Variants in C6orf118 observed in about 807,000 individuals in gnomAD.
C6orf118 encodes the protein uncharacterized protein C6orf118.
In C6orf118, 50 loss-of-function variants were observed where a neutral mutation model predicts 50.2. That is an observed-to-expected ratio of 1.00 (90% CI 0.79 to 1.26). The LOEUF is 1.26. C6orf118 is among the 50% of genes most tolerant of loss of function. The pLI is 0.00. For synonymous variants in C6orf118, 239 were observed against 230.9 expected (o/e 1.03, Z -0.32); for missense variants, 641 against 578.7 (o/e 1.11, Z -1.10).
intron 7 of C6orf118, among the ~76,000 whole-genome samples, chr6:165,285,840 A>G (rs773189419): frequency 6.6e-6 from 1 of 151,936 alleles, no homozygotes; most frequent in African/African-American, 2.4e-5. Context: ...TCTCAAATCA[A>G]TATATAACAT....
chr6:165,294,241 G>A (rs1477511805), intron 5 of C6orf118, among the ~76,000 whole-genome samples: 18 of 126,452 alleles, frequency 1.4e-4, no homozygotes, highest in African/African-American at 5.0e-4. Context: ...GCCAGACTCC[G>A]TCTTTAAAAA....
chr6:165,289,860 A>C (rs1780043929), intron 7 of C6orf118, 26 bp downstream of exon 7: 1 of 1,484,130 alleles, frequency 6.7e-7, no homozygotes, highest in South Asian at 1.3e-5. Context: ...GAATAATGTA[A>C]ATATTTAAAT....
Position 165,281,705 on chromosome 6 carries a change from G to A in C6orf118, c.1303-12C>T. 6.8e-7 allele frequency: 1 copy of A among 1,465,644 alleles called. No individual in the cohort carries two copies. The highest frequency in any genetic ancestry group is 9.1e-7 in the Non-Finnish European group (1 of 1,095,582). The allele number at this position is 1,465,644 out of a possible 1,614,324, so 90.8% of individuals were successfully genotyped here. A position where few individuals can be genotyped will look rare whatever the true frequency, so the allele number is the denominator to read the frequency against. On this transcript the variant is annotated splice_polypyrimidine_tract_variant and intron_variant, in intron 7 of 8. Coordinates refer to ENST00000230301, the MANE Select transcript of C6orf118 (RefSeq NM_144980.4). ...TGTATAGCTTCATGCTGGAAGAGAA[G>A]TTGTTTTAAACACAATATACTTGGT...
chr6:165,290,093 A>G (rs929322716), intron 6 of C6orf118, 26 bp from the exon 7 acceptor site: 3 of 1,434,732 alleles, frequency 2.1e-6, no homozygotes, highest in Non-Finnish European at 2.9e-6. Context: ...AAAACAAAGT[A>G]TTACCATGTT....
intron 1 of C6orf118, among the ~76,000 whole-genome samples, chr6:165,302,949 A>C (rs1780615157): frequency 6.6e-6 from 1 of 152,222 alleles, no homozygotes; most frequent in Non-Finnish European, 1.5e-5. Context: ...CGCTTCATAA[A>C]TTCTACCCAT....
intron 5 of C6orf118, among the ~76,000 whole-genome samples, chr6:165,297,507 G>A (rs1780352700): frequency 6.6e-6 from 1 of 150,682 alleles, no homozygotes; most frequent in South Asian, 2.1e-4. Context: ...TTTGTTTCTT[G>A]TTTCATGCTC....
intron 1 of C6orf118, among the ~76,000 whole-genome samples, chr6:165,303,172 C>T (rs1279401252): frequency 2.0e-5 from 3 of 152,172 alleles, no homozygotes; most frequent in Non-Finnish European, 2.9e-5. Context: ...GCAAACCATC[C>T]TTCCCTGAGT....
intron 4 of C6orf118, among the ~76,000 whole-genome samples, chr6:165,299,060 A>G (rs1308217028): frequency 6.6e-6 from 1 of 152,252 alleles, no homozygotes; most frequent in African/African-American, 2.4e-5. Flanking sequence ...GTCACCCGTT[A>G]AACAAAGAGA....
intron 5 of C6orf118, among the ~76,000 whole-genome samples, chr6:165,294,265 A>AC (rs1780214153): frequency 1.3e-5 from 2 of 150,350 alleles, no homozygotes; most frequent in African/African-American, 4.9e-5. Context: ...AAAAAAAAAA[A>AC]AACAAAAAAA....
At chr6:165,309,112 T>C (rs1165075105) in intron 1 of C6orf118, among the ~76,000 whole-genome samples, 1 of 152,232 alleles carries the variant, frequency 6.6e-6, no homozygotes, top group Non-Finnish European at 1.5e-5. Context: ...AAAGGACTTC[T>C]GACTTGATGA....
In C6orf118 at chr6:165,301,834, G is replaced by C. The variant is rs753795156; in HGVS notation, c.488C>G (p.Pro163Arg). The C allele has an allele frequency of 6.2e-7, 1 of 1,613,918 alleles. No individual in the cohort carries two copies. The highest frequency in any genetic ancestry group is 2.2e-5 in the East Asian group (1 of 44,866). The change falls in exon 2 of 9, where the codon CCT (proline) becomes CGT (arginine). Residue 163 changes from proline to arginine, a missense_variant. Pro to Arg is a moderately radical substitution (Grantham distance 103). Transcript: ENST00000230301. Reference sequence around the variant, plus strand: ...CCATCCAGGAGGGCCCCGTCCAGGAGGGCCTCCTTTCTTTTCTTCCTTCCC... The same window carrying C: ...CCATCCAGGAGGGCCCCGTCCAGGACGGCCTCCTTTCTTTTCTTCCTTCCC... Reference protein sequence around the residue: ...REGKEEKKGGPPGRGPPGWRR... With the variant: ...REGKEEKKGGRPGRGPPGWRR...
At chr6:165,308,411 C>T (rs556255734) in intron 1 of C6orf118, among the ~76,000 whole-genome samples, 45 of 152,248 alleles carry the variant, frequency 3.0e-4, no homozygotes, top group Middle Eastern at 3.4e-3. Context: ...GTGGAAGCCA[C>T]AGGCCAGACA....
At chr6:165,306,421 A>G (rs1583030360) in intron 1 of C6orf118, among the ~76,000 whole-genome samples, 1 of 137,380 alleles carries the variant, frequency 7.3e-6, no homozygotes, top group African/African-American at 2.7e-5. Flanking sequence ...ACATGTATAC[A>G]TATGTAACTA....
chr6:165,286,213 C>G (rs1779898524), intron 7 of C6orf118, among the ~76,000 whole-genome samples: 1 of 152,080 alleles, frequency 6.6e-6, no homozygotes, highest in Non-Finnish European at 1.5e-5. Flanking sequence ...ATGCACCCTC[C>G]CAAGACTGAA....
At chr6:165,289,180 A>AAAAAAG (rs915980185) in intron 7 of C6orf118, among the ~76,000 whole-genome samples, 4 of 151,516 alleles carry the variant, frequency 2.6e-5, no homozygotes, top group South Asian at 4.1e-4. Context: ...CCTCCAAAAA[A>AAAAAAG]AAAAAGAAAA....
At chr6:165,302,463 G>A (rs934956269) in intron 1 of C6orf118, among the ~76,000 whole-genome samples, 167 bp from the exon 2 acceptor site, 16 of 152,128 alleles carry the variant, frequency 1.1e-4, no homozygotes, top group African/African-American at 3.1e-4. Flanking sequence ...ACCCGTGCCC[G>A]GCCCAGTGTG....
At chr6:165,307,297 G>A (rs866128467) in intron 1 of C6orf118, among the ~76,000 whole-genome samples, 1 of 129,686 alleles carries the variant, frequency 7.7e-6, no homozygotes, top group African/African-American at 2.9e-5. Context: ...AGTGACTCAC[G>A]CCTGTAATCT....
At chr6:165,292,467 C>A (rs1435979561) in intron 6 of C6orf118, among the ~76,000 whole-genome samples, 2 of 152,110 alleles carry the variant, frequency 1.3e-5, no homozygotes, top group Non-Finnish European at 2.9e-5. Flanking sequence ...TTAATCTTTG[C>A]CATTTTTTTA....
rs1427471556 is a variant in C6orf118, at chr6:165,293,466, C to G, written c.1067G>C (p.Arg356Thr). The change falls in exon 6 of 9, where the codon AGA (arginine) becomes ACA (threonine). Residue 356 changes from arginine to threonine, a missense_variant. Transcript: ENST00000230301. ...TGCCACCTCCATCTCCAGTTCACTTCTGAGTCTACAATGTGAGGATAAACA... is the reference window on the plus strand; with the variant it reads ...TGCCACCTCCATCTCCAGTTCACTTGTGAGTCTACAATGTGAGGATAAACA... Reference protein sequence around the residue: ...KAALEQNDRLRSELEMEVALL... With the variant: ...KAALEQNDRLTSELEMEVALL... 6.2e-7 allele frequency: 1 copy of G among 1,612,864 alleles called. No homozygotes were observed. The highest frequency in any genetic ancestry group is 1.3e-5 in the African/African-American group (1 of 74,922).
Sources: allele counts gnomAD v4.1 joint callset (sites outside exome capture counted in the v4.1 genomes callset), GRCh38; gene constraint gnomAD v4.1.1; transcripts MANE v1.5; gene names NCBI Gene and HGNC (gene_info 2026-07-23, HGNC 2026-07-21).